The following LINC00632 variants were observed in gnomAD, a reference collection of about 807,000 sequenced individuals.
LINC00632 encodes the protein ALDOA related specific transcript.
chrX:140,754,724 A>G (rs1242404711), intron 3 of LINC00632, among the ~76,000 whole-genome samples: 1 of 108,290 alleles, frequency 9.2e-6, no homozygotes, highest in African/African-American at 3.4e-5. Context: ...ATTTTTTTGG[A>G]CTCCTAATAT....
At chrX:140,731,242 G>T (rs1191278909) in intron 2 of LINC00632, among the ~76,000 whole-genome samples, 2 of 111,805 alleles carry the variant, frequency 1.8e-5, no homozygotes, top group Non-Finnish European at 3.8e-5. Flanking sequence ...TGTAAACATG[G>T]ATGCAATATT....
intron 3 of LINC00632, among the ~76,000 whole-genome samples, chrX:140,768,604 T>A (rs1456230121): frequency 6.3e-5 from 6 of 94,878 alleles, no homozygotes; most frequent in African/African-American, 2.3e-4. Flanking sequence ...TATATATAAA[T>A]ATATATTTAT....
At chrX:140,724,541 A>G (rs1373354894) in intron 2 of LINC00632, among the ~76,000 whole-genome samples, 43 of 14,839 alleles carry the variant, frequency 2.9e-3, no homozygotes, top group African/African-American at 9.9e-3. Context: ...CACACATTCC[A>G]TACACACACA....
chrX:140,721,166 A>G (rs1185647681), intron 2 of LINC00632, among the ~76,000 whole-genome samples: 1 of 112,256 alleles, frequency 8.9e-6, no homozygotes, highest in East Asian at 2.8e-4. Context: ...CAGTTTCTTA[A>G]GAACACACAC....
At chrX:140,729,870 C>CTTTTTTCTTT (rs1931027469) in intron 2 of LINC00632, among the ~76,000 whole-genome samples, 1 of 100,727 alleles carries the variant, frequency 9.9e-6, no homozygotes, top group Non-Finnish European at 2.0e-5. Flanking sequence ...CTCTTCTTTT[C>CTTTTTTCTTT]TTTTTTCTTT....
intron 3 of LINC00632, among the ~76,000 whole-genome samples, chrX:140,768,704 TAATA>T (rs1308982193): frequency 5.1e-5 from 5 of 98,147 alleles, no homozygotes; most frequent in South Asian, 4.1e-4. Flanking sequence ...ATTTATTATA[TAATA>T]AATATATATT....
intron 2 of LINC00632, among the ~76,000 whole-genome samples, chrX:140,718,955 C>G (rs1471054143): frequency 1.8e-5 from 2 of 111,672 alleles, no homozygotes; most frequent in Non-Finnish European, 3.8e-5. Flanking sequence ...GAACTCACTT[C>G]AAAATCTCTA....
chrX:140,752,216 A>G (rs34304395), intron 3 of LINC00632, among the ~76,000 whole-genome samples: 10,196 of 111,503 alleles, frequency 0.091, 372 homozygotes, highest in Admixed American at 0.17. Flanking sequence ...CAAATTTTTC[A>G]GCAATCTCTG....
intron 3 of LINC00632, among the ~76,000 whole-genome samples, chrX:140,764,384 G>A (rs1349199344): frequency 1.9e-5 from 2 of 106,173 alleles, no homozygotes; most frequent in Non-Finnish European, 3.9e-5. Context: ...GGGGGTGGGG[G>A]TGAGTGGTGT....
chrX:140,790,997 T>C (rs1330798590), exon 5 of LINC00632, among the ~76,000 whole-genome samples: 1 of 111,749 alleles, frequency 8.9e-6, no homozygotes. Context: ...TTTTTTTTCT[T>C]TTAGCACATT....
At chrX:140,711,363 C>G (rs781091999) in intron 1 of LINC00632, among the ~76,000 whole-genome samples, 2 of 111,264 alleles carry the variant, frequency 1.8e-5, no homozygotes, top group African/African-American at 6.5e-5. Context: ...ATATTTTATA[C>G]AAAATGAAGA....
chrX:140,779,945 A>G (rs1931912887), exon 5 of LINC00632, among the ~76,000 whole-genome samples: 1 of 110,154 alleles, frequency 9.1e-6, no homozygotes, highest in Admixed American at 9.7e-5. Context: ...TGGCAGTACA[A>G]CCCCTGGGTT....
chrX:140,717,995 G>T (rs749687830), intron 2 of LINC00632, among the ~76,000 whole-genome samples: 1 of 110,088 alleles, frequency 9.1e-6, no homozygotes, highest in Non-Finnish European at 1.9e-5. Flanking sequence ...AATTAGCCGG[G>T]TGTGGTGGCA....
intron 2 of LINC00632, among the ~76,000 whole-genome samples, chrX:140,720,955 C>A (rs1930718922): frequency 9.0e-6 from 1 of 111,231 alleles, no homozygotes; most frequent in African/African-American, 3.3e-5. Context: ...AACCCAGGGA[C>A]TTACCCTGAG....
intron 3 of LINC00632, among the ~76,000 whole-genome samples, chrX:140,758,526 A>G (rs138912357): frequency 0.013 from 1,424 of 110,087 alleles, 25 homozygotes; most frequent in African/African-American, 0.044. Flanking sequence ...GGTGCCCGTC[A>G]CCATGCCTGG....
At chrX:140,711,386 ACAATT>A (rs1239851027) in intron 1 of LINC00632, among the ~76,000 whole-genome samples, 1 of 111,704 alleles carries the variant, frequency 9.0e-6, no homozygotes, top group Non-Finnish European at 1.9e-5. Context: ...ACATGTACAT[ACAATT>A]TTTAGCCTGT....
exon 5 of LINC00632, chrX:140,783,506 A>ATG: frequency 9.7e-7 from 1 of 1,027,673 alleles, no homozygotes; most frequent in Admixed American, 2.8e-5. Context: ...CAGCTAATCC[A>ATG]TGTCTTCCAG....
intron 2 of LINC00632, among the ~76,000 whole-genome samples, chrX:140,731,175 A>G (rs1303117767): frequency 8.9e-6 from 1 of 112,292 alleles, no homozygotes; most frequent in Non-Finnish European, 1.9e-5. Flanking sequence ...TGCTGGGATT[A>G]CAGGCATTAG....
At chrX:140,727,394 C>A (rs945522428) in intron 2 of LINC00632, among the ~76,000 whole-genome samples, 1 of 111,619 alleles carries the variant, frequency 9.0e-6, no homozygotes, top group Admixed American at 9.5e-5. Flanking sequence ...TGGGTTCAAG[C>A]GATTTTCCTG....
Sources: gnomAD v4.1 joint callset for allele counts (sites outside exome capture counted in the v4.1 genomes callset) on GRCh38, gnomAD v4.1.1 for gene constraint, MANE v1.5 for transcripts, NCBI Gene and HGNC (gene_info 2026-07-23, HGNC 2026-07-21) for gene names.